Variants in DUSP3 observed in about 807,000 individuals in gnomAD.
DUSP3 encodes the protein dual specificity phosphatase 3, also known as dual specificity protein phosphatase 3.
A neutral mutation model predicts 15.5 loss-of-function variants in DUSP3; 7 were observed. The ratio of observed to expected loss-of-function variants is 0.45; its 90% CI spans 0.26 to 0.85. The LOEUF is 0.85. Among genes scored for constraint, DUSP3 ranks in the 40% least tolerant of loss-of-function variants. The pLI, the probability that DUSP3 is intolerant of heterozygous loss-of-function variation, is 0.18. For missense variants in DUSP3, 209 were observed against 251.7 expected (o/e 0.83, Z 1.15); for synonymous variants, 86 against 104.2 (o/e 0.83, Z 1.07).
intron 2 of DUSP3, among the ~76,000 whole-genome samples, chr17:43,773,382 TG>T (rs1177088290): frequency 6.6e-6 from 1 of 152,184 alleles, no homozygotes; most frequent in African/African-American, 2.4e-5. Context: ...AAAGGGCAAG[TG>T]GCCCAGCCTG....
chr17:43,770,403 A>C (rs567702100), intron 2 of DUSP3, among the ~76,000 whole-genome samples: 1 of 152,300 alleles, frequency 6.6e-6, no homozygotes, highest in South Asian at 2.1e-4. Context: ...CACGCCTGTA[A>C]TCCCAGCACT....
chr17:43,775,745 G>A (rs760989705), intron 1 of DUSP3, among the ~76,000 whole-genome samples: 1 of 152,160 alleles, frequency 6.6e-6, no homozygotes, highest in Non-Finnish European at 1.5e-5. Context: ...CACTGGCTAC[G>A]TTTCCAAAGC....
chr17:43,773,235 C>T (rs1007924262), intron 2 of DUSP3, among the ~76,000 whole-genome samples: 7 of 152,152 alleles, frequency 4.6e-5, no homozygotes, highest in Non-Finnish European at 8.8e-5. Context: ...GCCTGCTGGG[C>T]CCAAGAGTCA....
Position 43,778,949 on chromosome 17 carries a change from C to T in DUSP3, c.-25G>A, listed in dbSNP as rs761171022. 11 of 1,400,104 alleles carry T rather than the reference C, an allele frequency of 7.9e-6. No homozygotes were observed. The highest frequency in any genetic ancestry group is 3.0e-5 in the South Asian group (2 of 66,420). The allele number at this position is 1,400,104 out of a possible 1,614,324, so 86.7% of individuals were successfully genotyped here. A position where few individuals can be genotyped will look rare whatever the true frequency, so the allele number is the denominator to read the frequency against. ...TGGCGGCGGCGGGGCCCTGCACGCC[C>T]GGCAGGAGCAAGCGAGGCGGAGAGC... On this transcript the variant is annotated 5_prime_UTR_variant, in exon 1 of 3. Coordinates refer to ENST00000226004, the MANE Select transcript of DUSP3 (RefSeq NM_004090.4).
Position 43,766,681 on chromosome 17 carries a change from A to G in DUSP3, c.*2928T>C, listed in dbSNP as rs1974245560. On this transcript the variant is annotated 3_prime_UTR_variant, in exon 3 of 3. Transcript: ENST00000226004. ...GAATTCCAAGTGGGGATTATTAGAG[A>G]CCCCTCAGAGCCAAAAGGGGACCTT... The G allele has an allele frequency of 6.6e-6, 1 of 152,178 alleles. No homozygotes were observed. The highest frequency in any genetic ancestry group is 6.6e-5 in the Admixed American group (1 of 15,216). The allele number at this position is 152,178 out of a possible 1,614,324, so 9.4% of individuals were successfully genotyped here.
chr17:43,772,228 A>G (rs745587487), intron 2 of DUSP3, among the ~76,000 whole-genome samples: 3 of 151,114 alleles, frequency 2.0e-5, no homozygotes, highest in Non-Finnish European at 4.4e-5. Context: ...CCAAAACACC[A>G]CTCTATTTTC....
At chr17:43,772,035 G>C (rs994817360) in intron 2 of DUSP3, among the ~76,000 whole-genome samples, 1 of 144,358 alleles carries the variant, frequency 6.9e-6, no homozygotes, top group Non-Finnish European at 1.5e-5. Context: ...AAAAAGGCAA[G>C]AAATGTGGGG....
At chr17:43,778,602 C>G (rs1484994545) in intron 1 of DUSP3, among the ~76,000 whole-genome samples, 198 bp downstream of exon 1, 1 of 152,134 alleles carries the variant, frequency 6.6e-6, no homozygotes, top group Non-Finnish European at 1.5e-5. Flanking sequence ...CCCGGCCAGG[C>G]AGGGTTCCAG....
chr17:43,775,284 T>TG (rs1974373723), intron 1 of DUSP3, among the ~76,000 whole-genome samples: 1 of 152,128 alleles, frequency 6.6e-6, no homozygotes, highest in East Asian at 1.9e-4. Context: ...TAAGCTGTGG[T>TG]GGGGGTGTAC....
intron 1 of DUSP3, chr17:43,777,421 G>A (rs1974403145): frequency 4.5e-6 from 2 of 443,654 alleles, no homozygotes; most frequent in Non-Finnish European, 9.1e-6. Context: ...CTGTCCCCAT[G>A]AGGCTGGGGC....
rs928258440 is a variant in DUSP3 at position 43,768,602 on chromosome 17, C to G, written c.*1007G>C. On this transcript the variant is annotated 3_prime_UTR_variant, in exon 3 of 3. Coordinates refer to ENST00000226004, the MANE Select transcript of DUSP3 (RefSeq NM_004090.4). ...CTTCTGGCCGCGTTTCTGAGAGGCA[C>G]GCCCCCCACACACATCCATGCACAC... 6.6e-6 allele frequency: 1 copy of G among 152,140 alleles called. No individual in the cohort carries two copies. Among genetic ancestry groups the G allele is most frequent in the Non-Finnish European group, 1.5e-5 (1 of 68,062 alleles). The allele number at this position is 152,140 out of a possible 1,614,324, so 9.4% of individuals were successfully genotyped here.
In DUSP3 at chr17:43,774,813, G is replaced by A. The variant is rs890748021; in HGVS notation, c.251C>T (p.Thr84Ile). Reference sequence around the variant, plus strand: ...GTCGTTGGCCTTGATGCCCAGGTATGTGATGCCGGAGTCCTTGTAGAAGTT... The same window carrying A: ...GTCGTTGGCCTTGATGCCCAGGTATATGATGCCGGAGTCCTTGTAGAAGTT... ...NANFYKDSGITYLGIKANDTQ... is the reference protein window; with the variant it reads ...NANFYKDSGIIYLGIKANDTQ... The change falls in exon 2 of 3, where the codon ACA becomes ATA. Residue 84 changes from threonine to isoleucine, a missense_variant. Physicochemically the swap from Thr to Ile is moderately conservative, Grantham distance 89 (BLOSUM62 -1). Coordinates refer to ENST00000226004, the MANE Select transcript of DUSP3 (RefSeq NM_004090.4). 1.2e-6 allele frequency: 2 copies of A among 1,614,088 alleles called. No individual in the cohort carries two copies. Among genetic ancestry groups the A allele is most frequent in the African/African-American group, 1.3e-5 (1 of 74,928 alleles).
chr17:43,777,837 A>C, intron 1 of DUSP3: 1 of 197,104 alleles, frequency 5.1e-6, no homozygotes, highest in Non-Finnish European at 1.1e-5. Context: ...TTAAAATTTA[A>C]ATTAAAAAAA....
intron 2 of DUSP3, 57 bp from the exon 3 acceptor site, chr17:43,769,871 T>C: frequency 6.3e-7 from 1 of 1,575,936 alleles, no homozygotes; most frequent in African/African-American, 1.3e-5. Context: ...ACCATGGCGT[T>C]GGTCAAGACT....
In DUSP3 at chr17:43,774,824, G is replaced by A. The variant is rs761819392; in HGVS notation, c.240C>T (p.Asp80=). The A allele has an allele frequency of 1.2e-6, 2 of 1,614,088 alleles. No individual in the cohort carries two copies. Among genetic ancestry groups the A allele is most frequent in the Non-Finnish European group, 8.5e-7 (1 of 1,180,046 alleles). ...HVNTNANFYK[D]SGITYLGIKA... is the part of the protein sequence containing the mutation. Reference sequence around the variant, plus strand: ...TGATGCCCAGGTATGTGATGCCGGAGTCCTTGTAGAAGTTGGCATTGGTGT... The same window carrying A: ...TGATGCCCAGGTATGTGATGCCGGAATCCTTGTAGAAGTTGGCATTGGTGT... Residue 80 remains aspartate, a synonymous_variant, in exon 2 of 3, where the codon GAC becomes GAT. Transcript: ENST00000226004.
chr17:43,776,571 T>C (rs1426865897), intron 1 of DUSP3, among the ~76,000 whole-genome samples: 1 of 152,084 alleles, frequency 6.6e-6, no homozygotes, highest in Non-Finnish European at 1.5e-5. Flanking sequence ...CCAAATCCTC[T>C]TGGTGCTTGG....
intron 2 of DUSP3, among the ~76,000 whole-genome samples, chr17:43,772,368 C>T (rs1049047155): frequency 6.6e-6 from 1 of 152,192 alleles, no homozygotes; most frequent in East Asian, 1.9e-4. Context: ...CTCTGCAGAG[C>T]AGCCACCTTA....
chr17:43,769,971 G>T (rs1206728940), intron 2 of DUSP3, among the ~76,000 whole-genome samples, 157 bp from the exon 3 acceptor site: 1 of 152,184 alleles, frequency 6.6e-6, no homozygotes, highest in Non-Finnish European at 1.5e-5. Flanking sequence ...AACCCAAAGT[G>T]CTGGTGAAGA....
chr17:43,774,727 A>G lies in DUSP3; in HGVS notation c.337T>C (p.Leu113=). The part of the protein sequence containing the change: ...ERAADFIDQA[L]AQKNGRVLVH... ...GGTCCCTTACCATTCTTTTGAGCCA[A>G]AGCCTGGTCAATGAAGTCGGCAGCC... Residue 113 remains leucine (L), a synonymous_variant, in exon 2 of 3, where the codon TTG becomes CTG. Coordinates refer to ENST00000226004, the MANE Select transcript of DUSP3 (RefSeq NM_004090.4). The G allele has an allele frequency of 6.2e-7, 1 of 1,614,130 alleles. No individual in the cohort carries two copies. The highest frequency in any genetic ancestry group is 8.5e-7 in the Non-Finnish European group (1 of 1,180,010).
Sources: gnomAD v4.1 joint callset for allele counts (sites outside exome capture counted in the v4.1 genomes callset) on GRCh38, gnomAD v4.1.1 for gene constraint, MANE v1.5 for transcripts, NCBI Gene and HGNC (gene_info 2026-07-23, HGNC 2026-07-21) for gene names.